The following BTF3L4 variants were observed in gnomAD, a reference collection of about 807,000 sequenced individuals.
The protein encoded by BTF3L4 is basic transcription factor 3 like 4.
In BTF3L4, 6 loss-of-function variants were observed where a neutral mutation model predicts 16.8. The observed-to-expected ratio is 0.36, with a 90% confidence interval of 0.20 to 0.71. The LOEUF (loss-of-function observed/expected upper bound fraction) is 0.71. Among genes scored for constraint, BTF3L4 ranks in the 30% least tolerant of loss-of-function variants. The probability of loss-of-function intolerance (pLI) is 0.58; values close to 1 mark genes in which losing one functional copy is unlikely to be tolerated. For synonymous variants in BTF3L4, 39 were observed against 59.8 expected (o/e 0.65, Z 1.60); for missense variants, 92 against 186.9 (o/e 0.49, Z 2.96).
At position 52,086,105 on chromosome 1, in the gene BTF3L4, T is replaced by C. The variant is rs1558011723; in HGVS notation, c.371-7T>C. On this transcript the variant is annotated splice_polypyrimidine_tract_variant and splice_region_variant and intron_variant, in intron 4 of 5. Coordinates refer to ENST00000313334, the MANE Select transcript of BTF3L4 (RefSeq NM_152265.5). ...CAATGACTAATATTAAAATAAACTT[T>C]TTGTAGTCTTGGACAGTAAAGCACC... 6.3e-7 allele frequency: 1 copy of C among 1,587,326 alleles called. No individual in the cohort carries two copies. The highest frequency in any genetic ancestry group is 8.6e-7 in the Non-Finnish European group (1 of 1,167,090).
intron 3 of BTF3L4, among the ~76,000 whole-genome samples, chr1:52,069,524 TTG>T (rs2124425645): frequency 6.6e-6 from 1 of 152,314 alleles, no homozygotes; most frequent in Non-Finnish European, 1.5e-5. Context: ...AATTAAAACT[TTG>T]TTATTTTTAC....
intron 3 of BTF3L4, among the ~76,000 whole-genome samples, chr1:52,068,350 A>G (rs1485887840): frequency 6.6e-6 from 1 of 152,238 alleles, no homozygotes; most frequent in African/African-American, 2.4e-5. Context: ...GTGGTACAAG[A>G]TATTCTGCAT....
chr1:52,073,527 C>CACACACAT (rs1686851670), intron 3 of BTF3L4, among the ~76,000 whole-genome samples: 1 of 147,574 alleles, frequency 6.8e-6, no homozygotes, highest in Non-Finnish European at 1.5e-5. Context: ...CACACACACA[C>CACACACAT]ACATATGATT....
intron 1 of BTF3L4, among the ~76,000 whole-genome samples, chr1:52,059,306 A>T (rs1686452102): frequency 6.6e-6 from 1 of 152,284 alleles, no homozygotes; most frequent in South Asian, 2.1e-4. Flanking sequence ...TGACTACTTG[A>T]TATCTTGACA....
chr1:52,081,343 A>G (rs1643919600), intron 3 of BTF3L4, among the ~76,000 whole-genome samples: 1 of 151,840 alleles, frequency 6.6e-6, no homozygotes, highest in South Asian at 2.1e-4. Flanking sequence ...CATGTTGGCC[A>G]AGCTGATTCT....
At chr1:52,069,111 TC>T (rs954952311) in intron 3 of BTF3L4, among the ~76,000 whole-genome samples, 3 of 152,098 alleles carry the variant, frequency 2.0e-5, no homozygotes, top group Non-Finnish European at 4.4e-5. Context: ...TTCTCTGCCC[TC>T]CCCCCATCCT....
intron 3 of BTF3L4, among the ~76,000 whole-genome samples, chr1:52,065,668 A>G (rs1418854128): frequency 6.6e-6 from 1 of 152,126 alleles, no homozygotes; most frequent in African/African-American, 2.4e-5. Context: ...ATTAGTTACT[A>G]CCTCAGCCAA....
rs1643994043 is a variant in BTF3L4, at chr1:52,088,807, G to A, written c.*2049G>A. On this transcript the variant is annotated 3_prime_UTR_variant, in exon 6 of 6. Transcript: ENST00000313334. Reference sequence around the variant, plus strand: ...TTTGTTTTGTTTGAGATGGGGATTTGCTCTTGTTGTCCAGGCCGAACTGCA... The same window carrying A: ...TTTGTTTTGTTTGAGATGGGGATTTACTCTTGTTGTCCAGGCCGAACTGCA... The A allele has an allele frequency of 6.6e-6, 1 of 151,824 alleles. No individual in the cohort carries two copies. Among genetic ancestry groups the A allele is most frequent in the South Asian group, 2.1e-4 (1 of 4,814 alleles). The allele number at this position is 151,824 out of a possible 1,614,324, so 9.4% of individuals were successfully genotyped here. A position where few individuals can be genotyped will look rare whatever the true frequency, so the allele number is the denominator to read the frequency against.
chr1:52,056,843 AGTGT>A (rs1686374267), intron 1 of BTF3L4, among the ~76,000 whole-genome samples: 1 of 152,114 alleles, frequency 6.6e-6, no homozygotes, highest in African/African-American at 2.4e-5. Flanking sequence ...TTGTAATGGC[AGTGT>A]TTGTTTACAA....
chr1:52,089,527 ATAAC>A lies in BTF3L4; in HGVS notation c.*2772_*2775del, dbSNP rs911645458. ...GAATTAAATCTTTTTTTATATTTAA[ATAAC>A]TAGTTAAATATGTGCTTCTTACTAA... On this transcript the variant is annotated 3_prime_UTR_variant, in exon 6 of 6. Coordinates refer to ENST00000313334, the MANE Select transcript of BTF3L4 (RefSeq NM_152265.5). 45 of 152,316 alleles carry A rather than the reference ATAAC, an allele frequency of 3.0e-4. No homozygotes were observed. The highest frequency in any genetic ancestry group is 1.1e-3 in the African/African-American group (45 of 41,568). 9.4% of individuals were successfully genotyped at this position (152,316 alleles called of 1,614,324 possible). A position where few individuals can be genotyped will look rare whatever the true frequency, so the allele number is the denominator to read the frequency against.
intron 3 of BTF3L4, among the ~76,000 whole-genome samples, chr1:52,078,432 A>T (rs566210069): frequency 6.6e-6 from 1 of 152,156 alleles, no homozygotes; most frequent in East Asian, 1.9e-4. Context: ...ATTATTATGT[A>T]CTAGATATTG....
Position 52,072,296 on chromosome 1 carries a change from C to T in BTF3L4, c.168+7358C>T, listed in dbSNP as rs965248235. The stretch of plus-strand genomic sequence containing the variant: ...GTCTTGATCTGCTGACCTCATGATC[C>T]GCCTGCCTTGGCCTCCCAAGTGCTG... On this transcript the variant is annotated intron_variant, in intron 3 of 5. Transcript: ENST00000313334. Among the ~76,000 whole-genome samples, 4 of 152,048 alleles carry T rather than the reference C, an allele frequency of 2.6e-5. No homozygotes were observed. In the East Asian group the frequency reaches 5.8e-4, roughly 22 times the overall value.
At position 52,089,563 on chromosome 1, in the gene BTF3L4, G is replaced by A. The variant is rs1644001277; in HGVS notation, c.*2805G>A. ...AATATGTGCTTCTTACTAAGATTAG[G>A]TATTTTTTGCCAAGATAACAATGAT... is the stretch of plus-strand genomic sequence containing the variant. On this transcript the variant is annotated 3_prime_UTR_variant, in exon 6 of 6. Transcript: ENST00000313334. 1 of 152,102 alleles carries A rather than the reference G, an allele frequency of 6.6e-6. No homozygotes were observed. Among genetic ancestry groups the A allele is most frequent in the Non-Finnish European group, 1.5e-5 (1 of 68,016 alleles). 9.4% of individuals were successfully genotyped at this position (152,102 alleles called of 1,614,324 possible).
Position 52,087,139 on chromosome 1 carries a change from T to TA in BTF3L4, c.*389dup, listed in dbSNP as rs576351755. 242 of 162,924 alleles carry TA rather than the reference T, an allele frequency of 1.5e-3. No homozygotes were observed. The highest frequency in any genetic ancestry group is 2.5e-3 in the Non-Finnish European group (184 of 74,974). The allele number at this position is 162,924 out of a possible 1,614,324, so 10.1% of individuals were successfully genotyped here. ...TATCCTCCTCCCTCCCCAGTAGAAA[T>TA]AAAAAAAATCTTTACATTTGTTACT... On this transcript the variant is annotated 3_prime_UTR_variant, in exon 6 of 6. Transcript: ENST00000313334.
intron 4 of BTF3L4, among the ~76,000 whole-genome samples, chr1:52,084,674 C>T (rs1013668007): frequency 3.3e-5 from 5 of 151,678 alleles, no homozygotes; most frequent in African/African-American, 1.2e-4. Flanking sequence ...TGCCTGTAGT[C>T]ATAGCTACTC....
At chr1:52,069,638 A>G (rs1686734626) in intron 3 of BTF3L4, among the ~76,000 whole-genome samples, 1 of 152,198 alleles carries the variant, frequency 6.6e-6, no homozygotes, top group African/African-American at 2.4e-5. Context: ...AGAAGAAAAG[A>G]CACTTTTTGC....
At position 52,086,428 on chromosome 1, in the gene BTF3L4, G is replaced by T. The variant is rs1643973542; in HGVS notation, c.430+257G>T. 1.6e-5 allele frequency: 8 copies of T among 488,560 alleles called. No homozygotes were observed. In the South Asian group the frequency reaches 2.9e-4, roughly 18 times the overall value. The allele number at this position is 488,560 out of a possible 1,614,324, so 30.3% of individuals were successfully genotyped here. On this transcript the variant is annotated intron_variant, in intron 5 of 5. Coordinates refer to ENST00000313334, the MANE Select transcript of BTF3L4 (RefSeq NM_152265.5). The stretch of plus-strand genomic sequence containing the variant: ...GTGATTATAAATTTGCATAGCTATT[G>T]TTATAACATTTCTGTATGAATTATA...
chr1:52,088,061 T>A lies in BTF3L4; in HGVS notation c.*1303T>A, dbSNP rs1219881370. ...ATTCACTCAAGTTTCCCTCTTGCTGTCTAATAGAAGCTTACTTTTTGCTAT... is the reference window on the plus strand; with the variant it reads ...ATTCACTCAAGTTTCCCTCTTGCTGACTAATAGAAGCTTACTTTTTGCTAT... On this transcript the variant is annotated 3_prime_UTR_variant, in exon 6 of 6. Coordinates refer to ENST00000313334, the MANE Select transcript of BTF3L4 (RefSeq NM_152265.5). The A allele has an allele frequency of 6.6e-6, 1 of 152,632 alleles. No homozygotes were observed. The highest frequency in any genetic ancestry group is 1.5e-5 in the Non-Finnish European group (1 of 68,036). 9.5% of individuals were successfully genotyped at this position (152,632 alleles called of 1,614,324 possible).
chr1:52,056,681 G>A (rs1191775231), intron 1 of BTF3L4, among the ~76,000 whole-genome samples: 1 of 152,256 alleles, frequency 6.6e-6, no homozygotes, highest in African/African-American at 2.4e-5. Flanking sequence ...ATTACTCCTT[G>A]CTCACAACAG....
Sources: allele counts gnomAD v4.1 joint callset (sites outside exome capture counted in the v4.1 genomes callset), GRCh38; gene constraint gnomAD v4.1.1; transcripts MANE v1.5; gene names NCBI Gene and HGNC (gene_info 2026-07-23, HGNC 2026-07-21).